Variants in ARL15 observed in about 807,000 individuals in gnomAD.
ARL15 encodes ARF like GTPase 15.
In ARL15, 19 loss-of-function variants were observed where a neutral mutation model predicts 25.2. The observed-to-expected ratio is 0.75, with a 90% CI of 0.53 to 1.10. ARL15 has a LOEUF of 1.10. ARL15 is among the 50% of genes least tolerant of loss of function. The pLI, the probability that ARL15 is intolerant of heterozygous loss-of-function variation, is 0.00. For synonymous variants in ARL15, 94 were observed against 86.8 expected, an observed-to-expected ratio of 1.08 and a Z score of -0.46; for missense variants, 220 against 246.0, an observed-to-expected ratio of 0.89 and a Z score of 0.71.
intron 1 of ARL15, among the ~76,000 whole-genome samples, chr5:54,261,568 A>G (rs1757498222): frequency 6.6e-6 from 1 of 152,024 alleles, no homozygotes; most frequent in South Asian, 2.1e-4. Context: ...AAAAAAAGAG[A>G]GAACTTCAGA....
Position 54,216,964 on chromosome 5 carries a change from T to C in ARL15, c.49-45036A>G, listed in dbSNP as rs1335621752. ...GAGAACAAAAAACATTAACATTACA[T>C]TTTAGTTTTTTAAATAGTTTAAGGT... is the stretch of plus-strand genomic sequence containing the variant. On this transcript the variant is annotated intron_variant, in intron 1 of 4. Transcript: ENST00000504924. Among the ~76,000 whole-genome samples the C allele has an allele frequency of 3.9e-5, 6 of 152,104 alleles. 1 individual carries two copies. The highest frequency in any genetic ancestry group is 2.9e-5 in the Non-Finnish European group (2 of 68,004).
At chr5:54,310,336 C>G (rs1758864082) in intron 1 of ARL15, 96 bp downstream of exon 1, 6 of 1,409,174 alleles carry the variant, frequency 4.3e-6, no homozygotes, top group Non-Finnish European at 4.8e-6. Flanking sequence ...CATCCTATCC[C>G]AAAGAAAGAA....
At chr5:53,954,224 C>G (rs1048382287) in intron 4 of ARL15, among the ~76,000 whole-genome samples, 3 of 152,118 alleles carry the variant, frequency 2.0e-5, no homozygotes, top group South Asian at 4.1e-4. Flanking sequence ...TTTGAAGAAG[C>G]ATGGTATGAC....
At chr5:54,209,177 G>A (rs952297557) in intron 1 of ARL15, among the ~76,000 whole-genome samples, 2 of 152,172 alleles carry the variant, frequency 1.3e-5, no homozygotes, top group African/African-American at 4.8e-5. Context: ...GGAGTAGGGG[G>A]AGGTAAAGAT....
chr5:54,157,272 A>AAATTTATTTG (rs1177179501), intron 2 of ARL15, among the ~76,000 whole-genome samples: 2 of 152,246 alleles, frequency 1.3e-5, no homozygotes, highest in African/African-American at 4.8e-5. Flanking sequence ...TGTGCAAAAT[A>AAATTTATTTG]CAACTTTTGA....
chr5:54,305,219 G>T (rs1758725418), intron 1 of ARL15, among the ~76,000 whole-genome samples: 2 of 152,062 alleles, frequency 1.3e-5, no homozygotes, highest in African/African-American at 4.8e-5. Flanking sequence ...CCAAACACTG[G>T]CAGGGCACGG....
chr5:53,907,011 A>G (rs1044401731), intron 4 of ARL15, among the ~76,000 whole-genome samples: 2 of 152,140 alleles, frequency 1.3e-5, no homozygotes, highest in Admixed American at 1.3e-4. Context: ...GGTGATTGAC[A>G]GAGAGGGGAT....
intron 1 of ARL15, among the ~76,000 whole-genome samples, chr5:54,264,249 G>C (rs7715184): frequency 0.045 from 6,858 of 151,878 alleles, 380 homozygotes; most frequent in African/African-American, 0.13. Context: ...TCATTCTTCC[G>C]CACATCCACT....
chr5:53,893,200 A>G (rs925638294), intron 4 of ARL15, among the ~76,000 whole-genome samples: 10 of 151,820 alleles, frequency 6.6e-5, no homozygotes, highest in Non-Finnish European at 1.0e-4. Context: ...TCTCCTTCCA[A>G]CTCCAGGTAC....
intron 1 of ARL15, among the ~76,000 whole-genome samples, chr5:54,289,362 G>GA (rs754153985): frequency 0.097 from 11,985 of 123,362 alleles, 703 homozygotes; most frequent in African/African-American, 0.19. Context: ...GTCCTATGAA[G>GA]AAAAAAAAAA....
intron 1 of ARL15, among the ~76,000 whole-genome samples, chr5:54,251,690 C>T (rs1472566867): frequency 6.6e-6 from 1 of 152,232 alleles, no homozygotes; most frequent in Non-Finnish European, 1.5e-5. Context: ...TAGATTTTAA[C>T]TTCTTCAGTG....
chr5:54,209,639 A>G (rs1177253714), intron 1 of ARL15, among the ~76,000 whole-genome samples: 1 of 152,124 alleles, frequency 6.6e-6, no homozygotes, highest in Non-Finnish European at 1.5e-5. Flanking sequence ...AAGTAGTACC[A>G]TTCTTTTTAA....
At chr5:54,111,502 C>A (rs933841621) in intron 4 of ARL15, among the ~76,000 whole-genome samples, 1 of 151,956 alleles carries the variant, frequency 6.6e-6, no homozygotes, top group Non-Finnish European at 1.5e-5. Context: ...AACCATAAGT[C>A]ATATGTTAGG....
intron 4 of ARL15, among the ~76,000 whole-genome samples, chr5:54,054,894 G>A (rs951873346): frequency 6.6e-6 from 1 of 151,900 alleles, no homozygotes; most frequent in Non-Finnish European, 1.5e-5. Context: ...TCACTTCACC[G>A]AATCTATTTC....
At chr5:54,176,506 C>A (rs1754875465) in intron 1 of ARL15, among the ~76,000 whole-genome samples, 1 of 152,106 alleles carries the variant, frequency 6.6e-6, no homozygotes, top group Non-Finnish European at 1.5e-5. Context: ...CTATACTGTA[C>A]CAAAGTTCAT....
rs570733628 is a variant in ARL15, at chr5:54,087,563, A to G, written c.462+25639T>C. 6.6e-5 allele frequency among the ~76,000 whole-genome samples: 10 copies of G among 152,320 alleles called. No homozygotes were observed. In the South Asian group the frequency reaches 1.9e-3, roughly 28 times the overall value. ...GATAGCTAAAAGGAATAGCAGAGGT[A>G]TTAAGCCACAACTGCACTTACCACA... On this transcript the variant is annotated intron_variant, in intron 4 of 4. Coordinates refer to ENST00000504924, the MANE Select transcript of ARL15 (RefSeq NM_019087.3).
chr5:54,172,133 G>GT (rs1038715472), intron 1 of ARL15, among the ~76,000 whole-genome samples: 3 of 152,156 alleles, frequency 2.0e-5, no homozygotes, highest in African/African-American at 7.2e-5. Context: ...GTTATGAAAT[G>GT]TTTTTCTACT....
chr5:54,014,536 T>C (rs1363972498), intron 4 of ARL15, among the ~76,000 whole-genome samples: 6 of 152,084 alleles, frequency 3.9e-5, no homozygotes, highest in Non-Finnish European at 8.8e-5. Flanking sequence ...TTTTTTTTTT[T>C]TTGAGCTAGA....
At chr5:53,949,772 AC>A (rs1746883318) in intron 4 of ARL15, among the ~76,000 whole-genome samples, 1 of 152,216 alleles carries the variant, frequency 6.6e-6, no homozygotes. Flanking sequence ...ATCGCTCAGA[AC>A]ACTGAACTTT....
Sources: gnomAD v4.1 joint callset for allele counts (sites outside exome capture counted in the v4.1 genomes callset) on GRCh38, gnomAD v4.1.1 for gene constraint, MANE v1.5 for transcripts, NCBI Gene and HGNC (gene_info 2026-07-23, HGNC 2026-07-21) for gene names.